Variants in GTF2IRD1 observed in about 807,000 individuals in gnomAD.
GTF2IRD1 encodes the protein general transcription factor II-I repeat domain-containing protein 1.
In GTF2IRD1, 26 loss-of-function variants were observed where a neutral mutation model predicts 113.2. The observed-to-expected ratio is 0.23, with a 90% confidence interval of 0.17 to 0.32. The LOEUF (loss-of-function observed/expected upper bound fraction) is 0.32. Among genes scored for constraint, GTF2IRD1 ranks in the 10% least tolerant of loss-of-function variants. The pLI is 1.00. For synonymous variants in GTF2IRD1, 484 were observed against 529.1 expected (o/e 0.91, Z 1.17); for missense variants, 864 against 1,280.8 (o/e 0.67, Z 4.97).
intron 2 of GTF2IRD1, among the ~76,000 whole-genome samples, chr7:74,510,317 T>TA (rs1320954003): frequency 1.3e-5 from 2 of 151,532 alleles, no homozygotes; most frequent in Non-Finnish European, 2.9e-5. Context: ...TTTTTTTTTT[T>TA]TTTTTTGGAG....
intron 22 of GTF2IRD1, 84 bp downstream of exon 22, chr7:74,559,739 C>A: frequency 8.5e-7 from 1 of 1,177,408 alleles, no homozygotes; most frequent in Non-Finnish European, 1.2e-6. Context: ...TGCTGTGGGG[C>A]ACAGGTTCTG....
chr7:74,516,002 T>C (rs1796907881), intron 4 of GTF2IRD1, among the ~76,000 whole-genome samples: 1 of 152,200 alleles, frequency 6.6e-6, no homozygotes, highest in African/African-American at 2.4e-5. Context: ...ACCCTGAGCA[T>C]GGCACAGGGG....
At chr7:74,462,562 C>G (rs1319680445) in intron 1 of GTF2IRD1, among the ~76,000 whole-genome samples, 1 of 152,220 alleles carries the variant, frequency 6.6e-6, no homozygotes, top group African/African-American at 2.4e-5. Context: ...CCACATACCT[C>G]TAGCCACTCT....
chr7:74,564,659 G>A (rs2130820305), intron 22 of GTF2IRD1, among the ~76,000 whole-genome samples: 1 of 152,308 alleles, frequency 6.6e-6, no homozygotes, highest in Admixed American at 6.5e-5. Flanking sequence ...GGGAGGCTGA[G>A]GCGGGAGGAT....
chr7:74,477,079 C>G (rs1003726052), intron 1 of GTF2IRD1, among the ~76,000 whole-genome samples: 4 of 151,986 alleles, frequency 2.6e-5, no homozygotes, highest in African/African-American at 9.7e-5. Context: ...AAAGCAAGAA[C>G]GGGGCTGGGC....
At chr7:74,505,819 T>C (rs1419232280) in intron 1 of GTF2IRD1, among the ~76,000 whole-genome samples, 20 of 152,164 alleles carry the variant, frequency 1.3e-4, no homozygotes, top group African/African-American at 4.6e-4. Context: ...TCAAGCGGGC[T>C]TCCTGCCACG....
chr7:74,565,573 C>T (rs782296775), intron 22 of GTF2IRD1, among the ~76,000 whole-genome samples: 30 of 152,060 alleles, frequency 2.0e-4, no homozygotes, highest in Admixed American at 7.9e-4. Context: ...GGGGGCTGTT[C>T]AGGATATGCT....
chr7:74,601,228 A>C (rs1027394504), intron 26 of GTF2IRD1, 48 bp downstream of exon 26: 2 of 1,552,510 alleles, frequency 1.3e-6, no homozygotes, highest in Admixed American at 2.0e-5. Flanking sequence ...TGTGGCCCTC[A>C]CCCCTCTGTC....
chr7:74,601,187 T>G lies in GTF2IRD1; in HGVS notation c.2766+7T>G, dbSNP rs1199490643. On this transcript the variant is annotated splice_region_variant and intron_variant, in intron 26 of 26. Transcript: ENST00000424337. ...CAACCAGATCTCACTCGTGGTAAAG[T>G]TGCACCGATTTGGACTCCGGCACTC... is the stretch of plus-strand genomic sequence containing the variant. 5 of 1,570,396 alleles carry G rather than the reference T, an allele frequency of 3.2e-6. No homozygotes were observed. Among genetic ancestry groups the G allele is most frequent in the African/African-American group, 1.4e-5 (1 of 73,976 alleles).
At chr7:74,545,617 G>A (rs782605238) in intron 15 of GTF2IRD1, 127 bp from the exon 16 acceptor site, 45 of 476,280 alleles carry the variant, frequency 9.4e-5, no homozygotes, top group East Asian at 4.0e-4. Flanking sequence ...GTTACCCACC[G>A]CCCCAGCCCC....
At chr7:74,497,995 C>T (rs782540425) in intron 1 of GTF2IRD1, among the ~76,000 whole-genome samples, 15 of 152,150 alleles carry the variant, frequency 9.9e-5, no homozygotes, top group Admixed American at 1.3e-4. Context: ...TGAGCCACCG[C>T]GCCCCGCTTT....
At chr7:74,597,585 G>C (rs782365823) in intron 25 of GTF2IRD1, among the ~76,000 whole-genome samples, 7 of 152,032 alleles carry the variant, frequency 4.6e-5, no homozygotes, top group Non-Finnish European at 1.0e-4. Flanking sequence ...GACCTCAAGT[G>C]ATCTTCCCAC....
chr7:74,580,308 T>C (rs1175868457), intron 22 of GTF2IRD1, among the ~76,000 whole-genome samples: 1 of 152,106 alleles, frequency 6.6e-6, no homozygotes, highest in South Asian at 2.1e-4. Flanking sequence ...ATCCCACGCT[T>C]CTGCTACAGA....
chr7:74,592,753 G>A (rs1295735300), intron 24 of GTF2IRD1, among the ~76,000 whole-genome samples: 10 of 150,606 alleles, frequency 6.6e-5, no homozygotes, highest in South Asian at 2.1e-4. Context: ...GGCTGGTCTC[G>A]AACTCCCGAC....
chr7:74,512,385 G>T lies in GTF2IRD1; in HGVS notation c.124-445G>T, dbSNP rs1273535005. Among the ~76,000 whole-genome samples, 1 of 152,120 alleles carries T rather than the reference G, an allele frequency of 6.6e-6. No homozygotes were observed. The highest frequency in any genetic ancestry group is 1.5e-5 in the Non-Finnish European group (1 of 68,030). On this transcript the variant is annotated intron_variant, in intron 2 of 26. Transcript: ENST00000424337. The surrounding 1 kb of genome is among the most constrained non-coding windows in gnomAD (Gnocchi z 4.4). ...AAACAAAACAGATGTGGAAACTGGA[G>T]CCCAGAGGAGGGACGTGACTTGCTC...
At chr7:74,564,512 A>G (rs1470235215) in intron 22 of GTF2IRD1, among the ~76,000 whole-genome samples, 1 of 152,206 alleles carries the variant, frequency 6.6e-6, no homozygotes, top group East Asian at 1.9e-4. Context: ...GCATTTTGGG[A>G]GGCCAAGATG....
At chr7:74,549,515 C>CATT (rs1194562918) in intron 17 of GTF2IRD1, among the ~76,000 whole-genome samples, 2 of 152,126 alleles carry the variant, frequency 1.3e-5, no homozygotes, top group African/African-American at 4.8e-5. Context: ...CCATGACACA[C>CATT]AAAGAGCAGA....
chr7:74,456,487 G>A lies in GTF2IRD1; in HGVS notation c.-7+2311G>A, dbSNP rs374224770. On this transcript the variant is annotated intron_variant, in intron 1 of 26. Coordinates refer to ENST00000424337, the MANE Select transcript of GTF2IRD1 (RefSeq NM_005685.4). The stretch of plus-strand genomic sequence containing the variant: ...TCACGAGGTCAGGAGTTCAAGACCA[G>A]CCTGGCCAACATGGTGAAACCCCAT... 7.9e-5 allele frequency among the ~76,000 whole-genome samples: 12 copies of A among 152,188 alleles called. No individual in the cohort carries two copies. In the South Asian group the frequency reaches 1.0e-3, roughly 13 times the overall value.
At chr7:74,521,359 T>C in intron 7 of GTF2IRD1, 62 bp downstream of exon 7, 1 of 969,600 alleles carries the variant, frequency 1.0e-6, no homozygotes, top group Non-Finnish European at 1.7e-6. Context: ...AGGTGGTGCT[T>C]ATTGAAATGG....
Sources: gnomAD v4.1 joint callset for allele counts (sites outside exome capture counted in the v4.1 genomes callset) on GRCh38, gnomAD v4.1.1 for gene constraint, Gnocchi (gnomAD v3.1) non-coding constraint, MANE v1.5 for transcripts, NCBI Gene and HGNC (gene_info 2026-07-23, HGNC 2026-07-21) for gene names.